The following NKAIN2 variants were observed in gnomAD, a reference collection of about 807,000 sequenced individuals.
NKAIN2 encodes the protein sodium/potassium transporting ATPase interacting 2, also known as sodium/potassium-transporting ATPase subunit beta-1-interacting protein 2.
In NKAIN2, 14 loss-of-function variants were observed where a neutral mutation model predicts 32.6. That is an observed-to-expected ratio of 0.43 (90% CI 0.28 to 0.67). NKAIN2 has a LOEUF of 0.67. NKAIN2 is among the 30% of genes least tolerant of loss of function. The pLI is 0.17. For missense variants in NKAIN2, 198 were observed against 258.3 expected (o/e 0.77, Z 1.60); for synonymous variants, 80 against 87.2 (o/e 0.92, Z 0.46).
intron 3 of NKAIN2, among the ~76,000 whole-genome samples, chr6:124,554,674 G>A (rs1780409856): frequency 6.6e-6 from 1 of 152,164 alleles, no homozygotes; most frequent in African/African-American, 2.4e-5. Flanking sequence ...ATTTAAAATT[G>A]CAATAAATGG....
Position 124,402,639 on chromosome 6 carries a change from A to G in NKAIN2, c.273+47292A>G, listed in dbSNP as rs375110981. ...ACACACACACAAAACAAACAATGTC[A>G]TGTCCTTTGCAGCAACATGGATGAA... is the stretch of plus-strand genomic sequence containing the variant. On this transcript the variant is annotated intron_variant, in intron 3 of 6. Coordinates refer to ENST00000368417, the MANE Select transcript of NKAIN2 (RefSeq NM_001040214.3). Among the ~76,000 whole-genome samples, 5 of 152,352 alleles carry G rather than the reference A, an allele frequency of 3.3e-5. 1 individual carries two copies. Among genetic ancestry groups the G allele is most frequent in the Admixed American group, 1.3e-4 (2 of 15,300 alleles).
At chr6:124,237,680 G>T (rs1792849757) in intron 1 of NKAIN2, among the ~76,000 whole-genome samples, 1 of 152,104 alleles carries the variant, frequency 6.6e-6, no homozygotes, top group South Asian at 2.1e-4. Context: ...TCAGAAACAG[G>T]AGTGAGTGAA....
chr6:124,299,712 T>C (rs947097231), intron 2 of NKAIN2, among the ~76,000 whole-genome samples: 1 of 152,214 alleles, frequency 6.6e-6, no homozygotes, highest in Non-Finnish European at 1.5e-5. Flanking sequence ...CTACTTCTGT[T>C]TTCTATTATC....
intron 4 of NKAIN2, among the ~76,000 whole-genome samples, chr6:124,735,089 A>T (rs537759333): frequency 6.6e-6 from 1 of 152,074 alleles, no homozygotes; most frequent in East Asian, 1.9e-4. Flanking sequence ...AAAAAATTTA[A>T]AAATGAAGAA....
At chr6:124,083,523 A>T (rs1392381357) in intron 1 of NKAIN2, among the ~76,000 whole-genome samples, 5 of 151,808 alleles carry the variant, frequency 3.3e-5, no homozygotes, top group Non-Finnish European at 5.9e-5. Flanking sequence ...TATAAAATTT[A>T]TATTTAGCAA....
intron 1 of NKAIN2, among the ~76,000 whole-genome samples, chr6:123,905,665 A>G (rs1433972143): frequency 6.6e-6 from 1 of 152,130 alleles, no homozygotes; most frequent in East Asian, 1.9e-4. Flanking sequence ...AAAGGACCGA[A>G]AAGCCTATTG....
chr6:124,732,442 A>C (rs1202615606), intron 4 of NKAIN2, among the ~76,000 whole-genome samples: 1 of 152,086 alleles, frequency 6.6e-6, no homozygotes, highest in Non-Finnish European at 1.5e-5. Flanking sequence ...TGAAACATGC[A>C]ATGATTCCAT....
At chr6:124,125,961 G>A (rs1388448543) in intron 1 of NKAIN2, among the ~76,000 whole-genome samples, 1 of 151,882 alleles carries the variant, frequency 6.6e-6, no homozygotes, top group African/African-American at 2.4e-5. Flanking sequence ...TTTCGCTCTT[G>A]GCTCATCATC....
At chr6:124,043,229 T>C (rs945565279) in intron 1 of NKAIN2, among the ~76,000 whole-genome samples, 6 of 151,938 alleles carry the variant, frequency 3.9e-5, no homozygotes, top group Non-Finnish European at 7.4e-5. Flanking sequence ...TGGTGGCGGG[T>C]GCCTTTAATC....
intron 1 of NKAIN2, among the ~76,000 whole-genome samples, chr6:124,032,101 A>G (rs1383097766): frequency 6.6e-6 from 1 of 151,986 alleles, no homozygotes. Context: ...GGATGAGTTC[A>G]TGTCCTTTGT....
intron 2 of NKAIN2, among the ~76,000 whole-genome samples, chr6:124,292,752 C>T (rs1006681123): frequency 6.6e-6 from 1 of 152,040 alleles, no homozygotes; most frequent in African/African-American, 2.4e-5. Context: ...TTCTGCCAGA[C>T]CCTAATGTAT....
At position 124,590,192 on chromosome 6, in the gene NKAIN2, C is replaced by T. The variant is rs547468024; in HGVS notation, c.274-67994C>T. ...ATGGCAGTAAGATTCTTCCCTTAGG[C>T]CCTAAGGCCGTACTTTAGTGCTGAG... On this transcript the variant is annotated intron_variant, in intron 3 of 6. Transcript: ENST00000368417. 2.6e-5 allele frequency among the ~76,000 whole-genome samples: 4 copies of T among 152,254 alleles called. No homozygotes were observed. In the East Asian group the frequency reaches 7.7e-4, roughly 29 times the overall value.
intron 3 of NKAIN2, among the ~76,000 whole-genome samples, chr6:124,552,955 T>A (rs1229006767): frequency 3.3e-5 from 5 of 152,232 alleles, no homozygotes. Flanking sequence ...CAATTATACT[T>A]TAACAGGCAA....
At chr6:124,549,045 G>C (rs1230694697) in intron 3 of NKAIN2, among the ~76,000 whole-genome samples, 1 of 152,088 alleles carries the variant, frequency 6.6e-6, no homozygotes. Flanking sequence ...TTTGATGCAT[G>C]GTAGCTAGAA....
At chr6:124,450,524 TG>T (rs746867605) in intron 3 of NKAIN2, among the ~76,000 whole-genome samples, 7 of 151,908 alleles carry the variant, frequency 4.6e-5, no homozygotes, top group Non-Finnish European at 7.4e-5. Context: ...TTATTAATAA[TG>T]TAAGCCTACA....
chr6:124,448,821 T>C (rs976529504), intron 3 of NKAIN2, among the ~76,000 whole-genome samples: 14 of 152,146 alleles, frequency 9.2e-5, no homozygotes, highest in Non-Finnish European at 2.1e-4. Context: ...GTATAGTGAA[T>C]AGAATTCATG....
At chr6:124,360,085 G>T (rs1309595222) in intron 3 of NKAIN2, among the ~76,000 whole-genome samples, 18 of 151,856 alleles carry the variant, frequency 1.2e-4, no homozygotes, top group Admixed American at 9.8e-4. Context: ...ATATTGATTT[G>T]CGAATGTTGA....
chr6:124,182,851 C>A (rs1789514589), intron 1 of NKAIN2, among the ~76,000 whole-genome samples: 1 of 152,016 alleles, frequency 6.6e-6, no homozygotes, highest in Non-Finnish European at 1.5e-5. Context: ...TATATATAGG[C>A]AAACATACAG....
chr6:124,501,996 C>T (rs923767117), intron 3 of NKAIN2, among the ~76,000 whole-genome samples: 11 of 151,950 alleles, frequency 7.2e-5, no homozygotes, highest in African/African-American at 2.2e-4. Context: ...GTCCCAGCTA[C>T]GGAAGGCTGA....
Sources: allele counts gnomAD v4.1 joint callset (sites outside exome capture counted in the v4.1 genomes callset), GRCh38; gene constraint gnomAD v4.1.1; transcripts MANE v1.5; gene names NCBI Gene and HGNC (gene_info 2026-07-23, HGNC 2026-07-21).